Variants in RBFOX1 observed in about 807,000 individuals in gnomAD.
RBFOX1 encodes the protein RNA binding fox-1 homolog 1.
RBFOX1 carries 8 observed loss-of-function variants against 57.7 expected under a neutral mutation model. The observed-to-expected ratio is 0.14, with a 90% CI of 0.08 to 0.25. The LOEUF (loss-of-function observed/expected upper bound fraction) is 0.25, where lower values mean the gene tolerates loss of function less well. RBFOX1 is among the 10% of genes least tolerant of loss of function. The probability of loss-of-function intolerance (pLI) is 1.00; values close to 1 mark genes in which losing one functional copy is unlikely to be tolerated. For synonymous variants in RBFOX1, 326 were observed against 222.4 expected (o/e 1.47, Z -4.15); for missense variants, 611 against 548.5 (o/e 1.11, Z -1.14).
chr16:5,940,144 G>A (rs1203949930), intron 4 of RBFOX1, among the ~76,000 whole-genome samples: 1 of 152,190 alleles, frequency 6.6e-6, no homozygotes, highest in Non-Finnish European at 1.5e-5. Flanking sequence ...CTGAGACCAT[G>A]GGGAAAAGGA....
At chr16:6,263,971 T>C (rs987658550) in intron 1 of RBFOX1, among the ~76,000 whole-genome samples, 1 of 152,134 alleles carries the variant, frequency 6.6e-6, no homozygotes, top group African/African-American at 2.4e-5. Context: ...TACTTGCAAG[T>C]GGGGCTAAAA....
intron 3 of RBFOX1, among the ~76,000 whole-genome samples, chr16:6,757,856 C>A (rs535591635): frequency 6.6e-6 from 1 of 152,292 alleles, no homozygotes; most frequent in Non-Finnish European, 1.5e-5. Context: ...CCCAATTACC[C>A]TGATCATAAC....
chr16:6,544,573 G>C (rs191307886), intron 2 of RBFOX1, among the ~76,000 whole-genome samples: 1 of 152,070 alleles, frequency 6.6e-6, no homozygotes, highest in African/African-American at 2.4e-5. Flanking sequence ...CTTAGCATTC[G>C]ATCGTATTGA....
chr16:7,144,581 C>A (rs1215765543), intron 4 of RBFOX1, among the ~76,000 whole-genome samples: 1 of 151,786 alleles, frequency 6.6e-6, no homozygotes, highest in Non-Finnish European at 1.5e-5. Flanking sequence ...TGAGCTACTG[C>A]GCCTGAATCT....
chr16:5,702,273 A>G (rs2051078631), intron 3 of RBFOX1, among the ~76,000 whole-genome samples: 1 of 152,206 alleles, frequency 6.6e-6, no homozygotes, highest in Non-Finnish European at 1.5e-5. Context: ...CCCCTTCTTC[A>G]CATGCCGGCA....
At chr16:6,504,912 A>T (rs1024742972) in intron 2 of RBFOX1, among the ~76,000 whole-genome samples, 3 of 139,028 alleles carry the variant, frequency 2.2e-5, no homozygotes, top group East Asian at 2.2e-4. Flanking sequence ...AAAAAAAAAA[A>T]TTTTGTAATT....
chr16:5,421,018 C>CT (rs1320060272), intron 1 of RBFOX1, among the ~76,000 whole-genome samples: 3 of 143,046 alleles, frequency 2.1e-5, no homozygotes, highest in East Asian at 4.3e-4. Context: ...CTTCCTTCTT[C>CT]TTTTTTGAGA....
chr16:6,985,579 G>C (rs1284196664), intron 3 of RBFOX1, among the ~76,000 whole-genome samples: 1 of 152,180 alleles, frequency 6.6e-6, no homozygotes, highest in Non-Finnish European at 1.5e-5. Context: ...TGTAATCCCA[G>C]CACTTTGGGA....
chr16:5,571,420 G>A (rs1028724282), intron 2 of RBFOX1, among the ~76,000 whole-genome samples: 2 of 151,658 alleles, frequency 1.3e-5, no homozygotes, highest in Non-Finnish European at 2.9e-5. Context: ...TCACCCTGTT[G>A]GCCACGCTGG....
At chr16:6,069,507 T>C (rs1371787065) in intron 1 of RBFOX1, among the ~76,000 whole-genome samples, 1 of 151,920 alleles carries the variant, frequency 6.6e-6, no homozygotes, top group Non-Finnish European at 1.5e-5. Flanking sequence ...TGCCAACAGA[T>C]TGTGTCTCTT....
At chr16:6,297,157 C>T (rs181028600) in intron 1 of RBFOX1, among the ~76,000 whole-genome samples, 7 of 152,074 alleles carry the variant, frequency 4.6e-5, no homozygotes, top group Admixed American at 1.3e-4. Context: ...TCGCCATCTT[C>T]GTTTTGGTAG....
intron 4 of RBFOX1, among the ~76,000 whole-genome samples, chr16:6,006,375 GA>G (rs35574832): frequency 0.56 from 82,517 of 146,862 alleles, 23,132 homozygotes; most frequent in Middle Eastern, 0.59. Flanking sequence ...CTACTGTAGG[GA>G]AAAAAAAAAA....
chr16:7,187,320 C>T (rs1481145746), intron 4 of RBFOX1, among the ~76,000 whole-genome samples: 2 of 152,018 alleles, frequency 1.3e-5, no homozygotes, highest in Non-Finnish European at 2.9e-5. Context: ...CTTCCTTAAT[C>T]CTTCTGAGAG....
intron 4 of RBFOX1, among the ~76,000 whole-genome samples, chr16:7,253,926 C>A (rs1603449624): frequency 6.6e-6 from 1 of 152,140 alleles, no homozygotes; most frequent in Middle Eastern, 3.2e-3. Context: ...TATATAGGAG[C>A]TCTCTTGTAT....
intron 3 of RBFOX1, among the ~76,000 whole-genome samples, chr16:7,006,874 T>G (rs560519329): frequency 6.6e-6 from 1 of 152,350 alleles, no homozygotes; most frequent in East Asian, 1.9e-4. Flanking sequence ...ATTTTCTGTC[T>G]GAGCCTTTGT....
At chr16:5,440,225 G>A (rs1414541167) in intron 1 of RBFOX1, among the ~76,000 whole-genome samples, 2 of 152,170 alleles carry the variant, frequency 1.3e-5, no homozygotes, top group African/African-American at 4.8e-5. Context: ...CACAGCCCTG[G>A]TAATTCTAGG....
chr16:5,989,236 C>A (rs1002218486), intron 4 of RBFOX1, among the ~76,000 whole-genome samples: 1 of 151,308 alleles, frequency 6.6e-6, no homozygotes, highest in Non-Finnish European at 1.5e-5. Context: ...GAGGCTGAGG[C>A]AGGAGAATGG....
intron 1 of RBFOX1, among the ~76,000 whole-genome samples, chr16:6,207,295 T>TGGCA: frequency 6.6e-6 from 1 of 152,310 alleles, no homozygotes; most frequent in Non-Finnish European, 1.5e-5. Flanking sequence ...TCCAAAGAAA[T>TGGCA]GGCAGTTAAT....
intron 3 of RBFOX1, among the ~76,000 whole-genome samples, chr16:5,815,834 C>T (rs910707287): frequency 2.0e-5 from 3 of 152,202 alleles, no homozygotes; most frequent in East Asian, 1.9e-4. Flanking sequence ...AGAATGGCTG[C>T]TGGTTCACTA....
Sources: gnomAD v4.1 joint callset for allele counts (sites outside exome capture counted in the v4.1 genomes callset) on GRCh38, gnomAD v4.1.1 for gene constraint, MANE v1.5 for transcripts, NCBI Gene and HGNC (gene_info 2026-07-23, HGNC 2026-07-21) for gene names.